Variants in CTNNA3 observed in about 807,000 individuals in gnomAD.
CTNNA3 encodes the protein catenin alpha 3.
A neutral mutation model predicts 95.7 loss-of-function variants in CTNNA3; 76 were observed. The ratio of observed to expected loss-of-function variants is 0.79; its 90% confidence interval spans 0.66 to 0.96. CTNNA3 has a LOEUF of 0.96. Among genes scored for constraint, CTNNA3 ranks in the 40% least tolerant of loss-of-function variants. The pLI is 0.00. For synonymous variants in CTNNA3, 431 were observed against 374.4 expected (o/e 1.15, Z -1.74); for missense variants, 1,191 against 1,089.8 (o/e 1.09, Z -1.31).
At chr10:67,161,273 T>C (rs1861534174) in intron 7 of CTNNA3, among the ~76,000 whole-genome samples, 1 of 152,032 alleles carries the variant, frequency 6.6e-6, no homozygotes, top group South Asian at 2.1e-4. Context: ...AGTAAAAATA[T>C]GAATAAAAAT....
chr10:67,222,857 C>T (rs1864724401), intron 5 of CTNNA3, among the ~76,000 whole-genome samples: 1 of 152,184 alleles, frequency 6.6e-6, no homozygotes. Flanking sequence ...AGGTGAAAAA[C>T]TTGAACATAG....
Position 66,340,083 on chromosome 10 carries a change from G to A in CTNNA3, c.1732+39069C>T, listed in dbSNP as rs73303478. ...TTACATATTAATAAAAAAGGACAGGGTTATATTTGTGGGTCTTGGTTGACA... is the reference window on the plus strand; with the variant it reads ...TTACATATTAATAAAAAAGGACAGGATTATATTTGTGGGTCTTGGTTGACA... On this transcript the variant is annotated intron_variant, in intron 12 of 17. Transcript: ENST00000433211. Among the ~76,000 whole-genome samples, 14 of 151,772 alleles carry A rather than the reference G, an allele frequency of 9.2e-5. No homozygotes were observed. The East Asian group carries it at 2.7e-3, about 29-fold the overall frequency.
intron 5 of CTNNA3, among the ~76,000 whole-genome samples, chr10:67,453,642 C>G (rs1464998132): frequency 6.6e-6 from 1 of 152,158 alleles, no homozygotes; most frequent in African/African-American, 2.4e-5. Flanking sequence ...AACAAGGCAA[C>G]TACTTCAGAG....
At chr10:67,270,390 T>C (rs986705829) in intron 5 of CTNNA3, among the ~76,000 whole-genome samples, 4 of 152,148 alleles carry the variant, frequency 2.6e-5, no homozygotes, top group Non-Finnish European at 5.9e-5. Flanking sequence ...TTAATGTTTA[T>C]TTTGTGTTCC....
chr10:66,199,839 A>G, intron 13 of CTNNA3, among the ~76,000 whole-genome samples: 1 of 82,400 alleles, frequency 1.2e-5, no homozygotes, highest in Non-Finnish European at 2.2e-5. Flanking sequence ...TTTTTAGTAG[A>G]GATGGGGTTT....
Position 66,011,947 on chromosome 10 carries a change from T to C in CTNNA3, c.2160-23150A>G, listed in dbSNP as rs549284009. On this transcript the variant is annotated intron_variant, in intron 15 of 17. Coordinates refer to ENST00000433211, the MANE Select transcript of CTNNA3 (RefSeq NM_013266.4). The stretch of plus-strand genomic sequence containing the variant: ...AACAAGAATAAGGCTGGGGCCCTGC[T>C]GTCTGCAACATAGAATGACTGGATG... Among the ~76,000 whole-genome samples, 23 of 152,338 alleles carry C rather than the reference T, an allele frequency of 1.5e-4. No homozygotes were observed. The South Asian group carries it at 4.6e-3, about 30-fold the overall frequency.
At chr10:66,319,382 AC>A (rs1274721514) in intron 12 of CTNNA3, among the ~76,000 whole-genome samples, 1 of 152,092 alleles carries the variant, frequency 6.6e-6, no homozygotes, top group Non-Finnish European at 1.5e-5. Context: ...AAATCTACAC[AC>A]CAAGCCTACT....
rs548334147 is a variant in CTNNA3, at chr10:66,616,649, CAGTA to C, written c.1374+5039_1374+5042del. 9.3e-4 allele frequency among the ~76,000 whole-genome samples: 142 copies of C among 152,174 alleles called. 1 individual carries two copies. Among genetic ancestry groups the C allele is most frequent in the Middle Eastern group, 6.8e-3 (2 of 294 alleles). ...GCTTTACAGTGTGGTCCTTTGTACA[CAGTA>C]AGAACCAGAACAACTCAATTCACTG... On this transcript the variant is annotated intron_variant, in intron 10 of 17. Transcript: ENST00000433211.
intron 9 of CTNNA3, among the ~76,000 whole-genome samples, chr10:66,631,429 A>G (rs1454774008): frequency 6.6e-6 from 1 of 152,206 alleles, no homozygotes; most frequent in Non-Finnish European, 1.5e-5. Flanking sequence ...TAATAAAGCA[A>G]GACAATGTTG....
intron 11 of CTNNA3, among the ~76,000 whole-genome samples, chr10:66,447,893 T>G (rs1184771196): frequency 6.6e-6 from 1 of 152,128 alleles, no homozygotes; most frequent in African/African-American, 2.4e-5. Context: ...ACAGGCAACC[T>G]ACAAAATAGG....
intron 1 of CTNNA3, among the ~76,000 whole-genome samples, chr10:67,686,404 T>C (rs1315113472): frequency 6.6e-6 from 1 of 152,194 alleles, no homozygotes; most frequent in Non-Finnish European, 1.5e-5. Flanking sequence ...TTGGGTGGCA[T>C]AAGTCTGGAC....
chr10:66,998,258 C>T (rs1851468539), intron 7 of CTNNA3, among the ~76,000 whole-genome samples: 1 of 152,090 alleles, frequency 6.6e-6, no homozygotes, highest in Non-Finnish European at 1.5e-5. Flanking sequence ...GAAATAAGTG[C>T]CTCCTTACTC....
chr10:67,452,818 T>C (rs1847039844), intron 5 of CTNNA3, among the ~76,000 whole-genome samples: 1 of 152,172 alleles, frequency 6.6e-6, no homozygotes, highest in African/African-American at 2.4e-5. Flanking sequence ...GTTGTTAAAA[T>C]TGTCCTTAGA....
chr10:66,651,661 G>GGCCA (rs571155122), intron 9 of CTNNA3, among the ~76,000 whole-genome samples: 319 of 102,262 alleles, frequency 3.1e-3, no homozygotes, highest in African/African-American at 8.0e-3. Flanking sequence ...CCCGCCGGCC[G>GGCCA]GCACTGCTGG....
intron 2 of CTNNA3, among the ~76,000 whole-genome samples, chr10:67,611,391 G>A (rs1843449350): frequency 6.6e-6 from 1 of 151,678 alleles, no homozygotes; most frequent in South Asian, 2.1e-4. Context: ...TCCGTTCACT[G>A]CAAGCTCCGC....
At chr10:66,868,810 G>A (rs1844288052) in intron 7 of CTNNA3, among the ~76,000 whole-genome samples, 1 of 150,846 alleles carries the variant, frequency 6.6e-6, no homozygotes, top group Non-Finnish European at 1.5e-5. Context: ...TGTGAGCATA[G>A]AGGAGACAAA....
chr10:65,954,606 A>G (rs908009558), intron 17 of CTNNA3, among the ~76,000 whole-genome samples: 43 of 152,166 alleles, frequency 2.8e-4, no homozygotes, highest in Middle Eastern at 3.4e-3. Context: ...TCTACATATA[A>G]CTAGCCAGTT....
At chr10:66,387,257 AAAC>A (rs1217228652) in intron 11 of CTNNA3, among the ~76,000 whole-genome samples, 1 of 152,110 alleles carries the variant, frequency 6.6e-6, no homozygotes, top group Non-Finnish European at 1.5e-5. Flanking sequence ...CTAGAAAAAA[AAAC>A]AAGTCCATCA....
At chr10:67,562,884 T>C (rs1224159000) in intron 3 of CTNNA3, among the ~76,000 whole-genome samples, 4 of 152,120 alleles carry the variant, frequency 2.6e-5, no homozygotes, top group Admixed American at 2.0e-4. Flanking sequence ...GAACTCCCAT[T>C]CACAACTGCT....
Sources: gnomAD v4.1 joint callset for allele counts (sites outside exome capture counted in the v4.1 genomes callset) on GRCh38, gnomAD v4.1.1 for gene constraint, MANE v1.5 for transcripts, NCBI Gene and HGNC (gene_info 2026-07-23, HGNC 2026-07-21) for gene names.